The following FILIP1 variants were observed in gnomAD, a reference collection of about 807,000 sequenced individuals.
FILIP1 encodes filamin-A-interacting protein 1.
Under a neutral mutation model 102.1 loss-of-function variants are expected in FILIP1, and 61 were observed. That is an observed-to-expected ratio of 0.60 (90% CI 0.49 to 0.74). FILIP1 has a LOEUF of 0.74. FILIP1 is among the 30% of genes least tolerant of loss of function. The pLI is 0.00. For missense variants in FILIP1, 1,314 were observed against 1,441.2 expected, an observed-to-expected ratio of 0.91 and a Z score of 1.43; for synonymous variants, 491 against 526.9, an observed-to-expected ratio of 0.93 and a Z score of 0.93.
At chr6:75,453,499 T>C (rs1041838460) in intron 1 of FILIP1, among the ~76,000 whole-genome samples, 4 of 152,114 alleles carry the variant, frequency 2.6e-5, no homozygotes, top group East Asian at 1.9e-4. Flanking sequence ...AGAGATTACA[T>C]AGGTGAAAAT....
At chr6:75,446,245 A>G (rs1432596374) in intron 1 of FILIP1, among the ~76,000 whole-genome samples, 1 of 152,176 alleles carries the variant, frequency 6.6e-6, no homozygotes, top group Non-Finnish European at 1.5e-5. Flanking sequence ...AGCTAATGGT[A>G]GATAATATGC....
chr6:75,478,186 T>C (rs1268622581), intron 1 of FILIP1, among the ~76,000 whole-genome samples: 2 of 152,198 alleles, frequency 1.3e-5, no homozygotes, highest in Non-Finnish European at 2.9e-5. Flanking sequence ...AAAGATAATC[T>C]AGATGATCAG....
intron 2 of FILIP1, among the ~76,000 whole-genome samples, chr6:75,373,365 T>G (rs868301952): frequency 1.1e-4 from 16 of 152,334 alleles, no homozygotes; most frequent in South Asian, 6.2e-4. Flanking sequence ...GTGGTGATAA[T>G]TGCACAACAA....
intron 1 of FILIP1, among the ~76,000 whole-genome samples, chr6:75,480,248 C>A (rs1021380905): frequency 4.1e-4 from 24 of 58,544 alleles, no homozygotes; most frequent in Non-Finnish European, 9.6e-4. Context: ...GATTTGAAAT[C>A]TTTTTTATAA....
At chr6:75,324,962 A>G (rs111819132) in intron 4 of FILIP1, among the ~76,000 whole-genome samples, 2,603 of 152,344 alleles carry the variant, frequency 0.017, 78 homozygotes, top group African/African-American at 0.06. Context: ...CTTAAATGTA[A>G]GACCTGAAAC....
intron 1 of FILIP1, among the ~76,000 whole-genome samples, chr6:75,449,885 A>G (rs1036103752): frequency 3.9e-5 from 6 of 152,176 alleles, no homozygotes; most frequent in Non-Finnish European, 7.4e-5. Context: ...TCAGGTTAAA[A>G]TACACATAAC....
chr6:75,350,596 T>C (rs990431919), intron 4 of FILIP1, among the ~76,000 whole-genome samples: 3 of 152,062 alleles, frequency 2.0e-5, no homozygotes, highest in African/African-American at 7.2e-5. Context: ...AACATAAAAG[T>C]ACTCTGTGAA....
chr6:75,411,911 T>C (rs920539174), intron 2 of FILIP1, among the ~76,000 whole-genome samples: 1 of 152,198 alleles, frequency 6.6e-6, no homozygotes, highest in Non-Finnish European at 1.5e-5. Flanking sequence ...TCTTTTTTGG[T>C]TCCATATGGA....
chr6:75,318,901 A>G (rs569684457), intron 4 of FILIP1, among the ~76,000 whole-genome samples: 24 of 152,292 alleles, frequency 1.6e-4, no homozygotes, highest in Admixed American at 3.9e-4. Flanking sequence ...ACAAAAAAAA[A>G]AGACACTGTA....
intron 6 of FILIP1, among the ~76,000 whole-genome samples, chr6:75,301,760 A>G (rs1772843927): frequency 6.6e-6 from 1 of 152,170 alleles, no homozygotes; most frequent in African/African-American, 2.4e-5. Context: ...AGGTAGGGTG[A>G]TATGCCAAAG....
At chr6:75,331,176 T>A (rs1357729469) in intron 4 of FILIP1, among the ~76,000 whole-genome samples, 2 of 152,186 alleles carry the variant, frequency 1.3e-5, no homozygotes, top group African/African-American at 4.8e-5. Flanking sequence ...ATGCTATATA[T>A]GTTGTAAAAT....
chr6:75,359,905 C>A (rs143307148), intron 3 of FILIP1, among the ~76,000 whole-genome samples: 109 of 152,250 alleles, frequency 7.2e-4, no homozygotes, highest in African/African-American at 2.3e-3. Context: ...TCAAAGAGGT[C>A]TTAAATACTC....
intron 2 of FILIP1, among the ~76,000 whole-genome samples, chr6:75,403,275 A>AG (rs1428722572): frequency 6.6e-6 from 1 of 152,064 alleles, no homozygotes; most frequent in Non-Finnish European, 1.5e-5. Context: ...GCACTTTGGG[A>AG]GGCTGAGATG....
At position 75,372,728 on chromosome 6, in the gene FILIP1, G is replaced by GAA. The variant is rs58451662; in HGVS notation, c.277-9812_277-9811insTT. Among the ~76,000 whole-genome samples, 107 of 61,412 alleles carry GAA rather than the reference G, an allele frequency of 1.7e-3. 5 individuals are homozygous for GAA. Among genetic ancestry groups the GAA allele is most frequent in the East Asian group, 6.6e-3 (13 of 1,982 alleles). The allele number at this position is 61,412 out of a possible 152,430, so 40.3% of individuals were successfully genotyped here. ...AAGAAAGAAAGGAAAGAAAGAGAAA[G>GAA]AGAAAGAAAGAAAGAAAGAAAGAAA... is the stretch of plus-strand genomic sequence containing the variant. On this transcript the variant is annotated intron_variant, in intron 2 of 5. Coordinates refer to ENST00000237172, the MANE Select transcript of FILIP1 (RefSeq NM_015687.5).
At chr6:75,405,549 G>A (rs1017236556) in intron 2 of FILIP1, among the ~76,000 whole-genome samples, 2 of 152,256 alleles carry the variant, frequency 1.3e-5, no homozygotes, top group South Asian at 2.1e-4. Context: ...AATAGCACTC[G>A]AATATAAAAT....
At chr6:75,453,445 T>C (rs936632714) in intron 1 of FILIP1, among the ~76,000 whole-genome samples, 3 of 152,198 alleles carry the variant, frequency 2.0e-5, no homozygotes, top group African/African-American at 7.2e-5. Flanking sequence ...TCAGTAAATA[T>C]CTGTTGTGCA....
At chr6:75,437,759 G>A (rs569979788) in intron 1 of FILIP1, among the ~76,000 whole-genome samples, 3 of 152,300 alleles carry the variant, frequency 2.0e-5, no homozygotes, top group African/African-American at 4.8e-5. Flanking sequence ...ATCAAGAACC[G>A]AGAATTAGTC....
chr6:75,423,085 G>A (rs965720171), intron 1 of FILIP1, among the ~76,000 whole-genome samples: 2 of 152,082 alleles, frequency 1.3e-5, no homozygotes, highest in African/African-American at 4.8e-5. Context: ...GGAGCACAGT[G>A]GCTGGCCATC....
chr6:75,411,301 T>G (rs1015901621), intron 2 of FILIP1, among the ~76,000 whole-genome samples: 1 of 152,258 alleles, frequency 6.6e-6, no homozygotes, highest in African/African-American at 2.4e-5. Flanking sequence ...AAGTTCCTTG[T>G]AGATTCTGGA....
Sources: allele counts gnomAD v4.1 joint callset (sites outside exome capture counted in the v4.1 genomes callset), GRCh38; gene constraint gnomAD v4.1.1; transcripts MANE v1.5; gene names NCBI Gene and HGNC (gene_info 2026-07-23, HGNC 2026-07-21).